The following TRPM7 variants were observed in gnomAD, a reference collection of about 807,000 sequenced individuals.
TRPM7 encodes the protein transient receptor potential cation channel subfamily M member 7.
TRPM7 carries 134 observed loss-of-function variants against 229.7 expected under a neutral mutation model. The observed-to-expected ratio is 0.58, with a 90% CI of 0.51 to 0.67. The LOEUF is 0.67. TRPM7 is among the 30% of genes least tolerant of loss of function. TRPM7 has a pLI of 0.00. For synonymous variants in TRPM7, 699 were observed against 715.2 expected, an observed-to-expected ratio of 0.98 and a Z score of 0.36; for missense variants, 1,901 against 2,210.0, an observed-to-expected ratio of 0.86 and a Z score of 2.80.
chr15:50,677,738 CAAAAAAAA>C (rs10652951), intron 1 of TRPM7, among the ~76,000 whole-genome samples: 67 of 38,160 alleles, frequency 1.8e-3, no homozygotes, highest in Middle Eastern at 0.05. Context: ...GACCCCGTAT[CAAAAAAAA>C]AAAAAAAAAA....
intron 1 of TRPM7, among the ~76,000 whole-genome samples, chr15:50,663,513 T>C (rs1009210979): frequency 1.8e-4 from 27 of 152,174 alleles, no homozygotes; most frequent in African/African-American, 6.5e-4. Flanking sequence ...GTCAGAATAA[T>C]TCCATTTAAA....
At chr15:50,608,954 A>C (rs1315980082) in intron 19 of TRPM7, among the ~76,000 whole-genome samples, 1 of 152,220 alleles carries the variant, frequency 6.6e-6, no homozygotes, top group African/African-American at 2.4e-5. Context: ...TCCACACAAA[A>C]CAACCAAAAC....
Position 50,574,650 on chromosome 15 carries a change from G to GTATGGATTT in TRPM7, c.5080_5088dup (p.Lys1694_Ile1696dup). 6.2e-7 allele frequency: 1 copy of GTATGGATTT among 1,613,286 alleles called. No homozygotes were observed. Among genetic ancestry groups the GTATGGATTT allele is most frequent in the Non-Finnish European group, 8.5e-7 (1 of 1,179,636 alleles). On this transcript the variant is annotated inframe_insertion, in exon 35 of 39. Transcript: ENST00000646667. ...TTAAAGATTTACCTTGGAGAATATGGTATGGATTTGGGTTTCATTTGATTA... is the reference window on the plus strand; with the variant it reads ...TTAAAGATTTACCTTGGAGAATATGGTATGGATTTTATGGATTTGGGTTTCATTTGATTA...
intron 13 of TRPM7, among the ~76,000 whole-genome samples, chr15:50,616,512 G>C (rs1276005064): frequency 6.6e-6 from 1 of 152,126 alleles, no homozygotes; most frequent in African/African-American, 2.4e-5. Context: ...CAAATCATTA[G>C]ATTAATAGTT....
intron 13 of TRPM7, among the ~76,000 whole-genome samples, chr15:50,619,156 T>TAAA (rs2060316071): frequency 6.6e-6 from 1 of 152,068 alleles, no homozygotes; most frequent in African/African-American, 2.4e-5. Context: ...GTCTTTCTTT[T>TAAA]ATGAACCAAT....
chr15:50,605,889 T>C (rs139081929), intron 20 of TRPM7, among the ~76,000 whole-genome samples: 1 of 152,198 alleles, frequency 6.6e-6, no homozygotes, highest in African/African-American at 2.4e-5. Context: ...GAATTTAAAA[T>C]GCAAAATAAG....
At chr15:50,655,166 TG>T (rs2061526182) in intron 3 of TRPM7, among the ~76,000 whole-genome samples, 1 of 141,844 alleles carries the variant, frequency 7.1e-6, no homozygotes, top group Non-Finnish European at 1.6e-5. Flanking sequence ...CCAAATGCAG[TG>T]GCTCACGCCT....
At chr15:50,591,728 G>C (rs1441366455) in intron 26 of TRPM7, among the ~76,000 whole-genome samples, 183 bp downstream of exon 26, 4 of 151,926 alleles carry the variant, frequency 2.6e-5, no homozygotes, top group Non-Finnish European at 5.9e-5. Flanking sequence ...CAACTCCTGG[G>C]CTCAAGCAAT....
intron 5 of TRPM7, among the ~76,000 whole-genome samples, chr15:50,639,896 G>C (rs2061037754): frequency 6.8e-6 from 1 of 146,692 alleles, no homozygotes; most frequent in Non-Finnish European, 1.5e-5. Flanking sequence ...ACACCTTCAA[G>C]ATATAAGGCA....
chr15:50,655,000 C>CA (rs35388005), intron 3 of TRPM7, among the ~76,000 whole-genome samples: 25,474 of 68,992 alleles, frequency 0.37, 4,171 homozygotes, highest in East Asian at 0.6. Flanking sequence ...CACTCCGTCT[C>CA]AAAAAAAAAA....
At chr15:50,680,705 T>C (rs930127692) in intron 1 of TRPM7, among the ~76,000 whole-genome samples, 8 of 152,214 alleles carry the variant, frequency 5.3e-5, no homozygotes, top group Admixed American at 2.0e-4. Flanking sequence ...AGCAAACTTT[T>C]TAAGTTATAA....
At chr15:50,579,423 A>G (rs8042905) in intron 30 of TRPM7, among the ~76,000 whole-genome samples, 2,114 of 152,310 alleles carry the variant, frequency 0.014, 46 homozygotes, top group African/African-American at 0.049. Context: ...TCACCTTAAT[A>G]GAAACATTTT....
At chr15:50,625,063 C>A (rs888734318) in intron 11 of TRPM7, among the ~76,000 whole-genome samples, 1 of 152,200 alleles carries the variant, frequency 6.6e-6, no homozygotes, top group African/African-American at 2.4e-5. Flanking sequence ...ATTTTATAAA[C>A]TTCAACAGAC....
chr15:50,596,116 T>C (rs2059623820), intron 23 of TRPM7, 139 bp downstream of exon 23: 1 of 450,666 alleles, frequency 2.2e-6, no homozygotes. Flanking sequence ...GCATCTCCTA[T>C]TTGTAATTTT....
intron 26 of TRPM7, 73 bp from the exon 27 acceptor site, chr15:50,589,729 G>C: frequency 1.0e-6 from 1 of 988,204 alleles, no homozygotes; most frequent in Non-Finnish European, 1.5e-6. Context: ...ACTGCTTAAA[G>C]TTTATAAAAA....
At chr15:50,582,864 CAA>C (rs1566953420) in intron 29 of TRPM7, among the ~76,000 whole-genome samples, 3 of 152,060 alleles carry the variant, frequency 2.0e-5, no homozygotes, top group Admixed American at 6.5e-5. Context: ...TCAATTCAAA[CAA>C]AAAGAGATTC....
intron 6 of TRPM7, among the ~76,000 whole-genome samples, chr15:50,638,130 C>T (rs1197403305): frequency 9.9e-5 from 15 of 151,620 alleles, no homozygotes; most frequent in Middle Eastern, 3.4e-3. Context: ...GAGGCCGAGG[C>T]GGGCGGATCA....
intron 17 of TRPM7, 94 bp from the exon 18 acceptor site, chr15:50,610,055 T>G: frequency 1.0e-6 from 1 of 995,856 alleles, no homozygotes. Flanking sequence ...ATAAAAGATT[T>G]TAAATATCTT....
chr15:50,621,010 T>C (rs889556111), intron 12 of TRPM7, among the ~76,000 whole-genome samples: 1 of 151,860 alleles, frequency 6.6e-6, no homozygotes, highest in African/African-American at 2.4e-5. Context: ...ATACAAAAAA[T>C]TAGCCGGGCA....
Sources: allele counts gnomAD v4.1 joint callset (sites outside exome capture counted in the v4.1 genomes callset), GRCh38; gene constraint gnomAD v4.1.1; transcripts MANE v1.5; gene names NCBI Gene and HGNC (gene_info 2026-07-23, HGNC 2026-07-21).